The following FAAH2 variants were observed in gnomAD, a reference collection of about 807,000 sequenced individuals.
FAAH2 encodes fatty acid amide hydrolase 2.
In FAAH2, 60 loss-of-function variants were observed where a neutral mutation model predicts 36.9. The ratio of observed to expected loss-of-function variants is 1.63; its 90% CI spans 1.32 to 2.02. FAAH2 has a LOEUF of 2.02. Ranked by LOEUF, FAAH2 falls within the 30% of genes most tolerant of loss-of-function variation. The pLI is 0.00. For synonymous variants in FAAH2, 214 were observed against 143.8 expected (o/e 1.49, Z -3.49); for missense variants, 689 against 397.5 (o/e 1.73, Z -6.23).
At chrX:57,484,943 A>G (rs1028751383) in intron 10 of FAAH2, among the ~76,000 whole-genome samples, 5 of 111,431 alleles carry the variant, frequency 4.5e-5, no homozygotes, top group African/African-American at 6.5e-5. Flanking sequence ...TCCCTGGGTC[A>G]CTGGCTGAAC....
chrX:57,446,410 A>G (rs1284400164), intron 8 of FAAH2, among the ~76,000 whole-genome samples: 1 of 112,192 alleles, frequency 8.9e-6, no homozygotes, highest in Non-Finnish European at 1.9e-5. Flanking sequence ...ACACTTCCCT[A>G]TAACAGGTTT....
chrX:57,376,930 A>G (rs1370372357), intron 5 of FAAH2, among the ~76,000 whole-genome samples: 1 of 111,421 alleles, frequency 9.0e-6, no homozygotes, highest in Non-Finnish European at 1.9e-5. Context: ...TTTTTTGCAT[A>G]TGTTTGTTGG....
At chrX:57,453,444 T>C (rs917881049) in intron 10 of FAAH2, among the ~76,000 whole-genome samples, 1 of 111,646 alleles carries the variant, frequency 9.0e-6, no homozygotes, top group Non-Finnish European at 1.9e-5. Context: ...ACTCTGCCAG[T>C]GGACACAGCC....
the FAAH2 span, among the ~76,000 whole-genome samples, chrX:57,156,423 T>C: frequency 8.9e-6 from 1 of 112,066 alleles, no homozygotes; most frequent in East Asian, 2.8e-4. Context: ...GTCTCCTGGA[T>C]GTTCTTAATG....
intron 5 of FAAH2, among the ~76,000 whole-genome samples, chrX:57,356,202 T>C (rs1397941841): frequency 3.6e-5 from 4 of 111,418 alleles, no homozygotes; most frequent in Admixed American, 9.6e-5. Flanking sequence ...CATCCATGTT[T>C]ATCAGGGATA....
chrX:57,360,008 C>T (rs1366013794), intron 5 of FAAH2, among the ~76,000 whole-genome samples: 7 of 107,612 alleles, frequency 6.5e-5, no homozygotes, highest in Non-Finnish European at 1.2e-4. Flanking sequence ...TATATCATTC[C>T]AGTCCTTTCT....
chrX:57,168,462 G>A, the FAAH2 span, among the ~76,000 whole-genome samples: 1 of 111,347 alleles, frequency 9.0e-6, no homozygotes, highest in East Asian at 2.8e-4. Context: ...AGCTAAATAT[G>A]ACTTTATATT....
At chrX:57,134,532 C>T in the FAAH2 span, 7 of 111,429 alleles carry the variant, frequency 6.3e-5, no homozygotes, top group East Asian at 2.8e-4. Flanking sequence ...CCCATACCCT[C>T]GAGAGAAACA....
chrX:57,459,577 G>A (rs1221218352), intron 10 of FAAH2, among the ~76,000 whole-genome samples: 3 of 112,114 alleles, frequency 2.7e-5, no homozygotes, highest in Non-Finnish European at 5.6e-5. Flanking sequence ...GGGTTTGACA[G>A]ACACCTCATA....
the FAAH2 span, among the ~76,000 whole-genome samples, chrX:57,189,564 G>T: frequency 9.1e-6 from 1 of 110,013 alleles, no homozygotes; most frequent in Non-Finnish European, 1.9e-5. Flanking sequence ...TTTAAATGGG[G>T]TTTCTGTGTG....
intron 10 of FAAH2, among the ~76,000 whole-genome samples, chrX:57,451,675 G>A (rs914144850): frequency 1.8e-5 from 2 of 111,502 alleles, no homozygotes; most frequent in Non-Finnish European, 3.8e-5. Context: ...TGGACAGAGG[G>A]TATAAACACT....
chrX:57,349,183 A>ACATATATATATACG (rs2053920855), intron 5 of FAAH2, among the ~76,000 whole-genome samples: 4 of 88,743 alleles, frequency 4.5e-5, no homozygotes, highest in East Asian at 3.4e-4. Flanking sequence ...ATATGTATAC[A>ACATATATATATACG]TATATGTATA....
chrX:57,306,730 GTATA>G lies in FAAH2; in HGVS notation c.276-3856_276-3853del, dbSNP rs1248670072. Among the ~76,000 whole-genome samples, 125 of 28,645 alleles carry G rather than the reference GTATA, an allele frequency of 4.4e-3. 2 individuals carry two copies. In the East Asian group the frequency reaches 0.065, roughly 15 times the overall value. 24.9% of individuals were successfully genotyped at this position (28,645 alleles called of 115,157 possible). ...TGTGTGTGTGTGTGTGTGTGTGTGTGTATATATATACACACACACTATATGTATA... is the reference window on the plus strand; with the variant it reads ...TGTGTGTGTGTGTGTGTGTGTGTGTGTATATACACACACACTATATGTATA... On this transcript the variant is annotated intron_variant, in intron 2 of 10. Coordinates refer to ENST00000374900, the MANE Select transcript of FAAH2 (RefSeq NM_174912.4).
intron 10 of FAAH2, among the ~76,000 whole-genome samples, chrX:57,454,575 G>C (rs1286256349): frequency 9.0e-6 from 1 of 111,690 alleles, no homozygotes; most frequent in Non-Finnish European, 1.9e-5. Flanking sequence ...CAATTCAGTA[G>C]CTGAAAGATA....
At chrX:57,172,099 C>A in the FAAH2 span, among the ~76,000 whole-genome samples, 1 of 111,286 alleles carries the variant, frequency 9.0e-6, no homozygotes, top group Non-Finnish European at 1.9e-5. Flanking sequence ...TATTCTATTT[C>A]ATTGGTCTAT....
chrX:57,397,860 C>G (rs2055341889), intron 7 of FAAH2, among the ~76,000 whole-genome samples: 1 of 108,441 alleles, frequency 9.2e-6, no homozygotes, highest in Non-Finnish European at 1.9e-5. Flanking sequence ...CCCTTCCCCC[C>G]ACCCCACAAC....
chrX:57,329,949 A>G (rs1265079180), intron 3 of FAAH2, among the ~76,000 whole-genome samples: 1 of 112,019 alleles, frequency 8.9e-6, no homozygotes, highest in Non-Finnish European at 1.9e-5. Flanking sequence ...ATGATTTCCT[A>G]TGCCTGTCTT....
chrX:57,151,984 C>T, the FAAH2 span, among the ~76,000 whole-genome samples: 1 of 111,911 alleles, frequency 8.9e-6, no homozygotes, highest in East Asian at 2.8e-4. Context: ...ACAGACAGGA[C>T]CCTGAGGCCT....
intron 6 of FAAH2, among the ~76,000 whole-genome samples, chrX:57,379,433 T>C (rs1444662747): frequency 9.0e-6 from 1 of 110,518 alleles, no homozygotes; most frequent in Non-Finnish European, 1.9e-5. Context: ...TAGTTTCAGT[T>C]ATGCTCTTGA....
Sources: gnomAD v4.1 joint callset for allele counts (sites outside exome capture counted in the v4.1 genomes callset) on GRCh38, gnomAD v4.1.1 for gene constraint, MANE v1.5 for transcripts, NCBI Gene and HGNC (gene_info 2026-07-23, HGNC 2026-07-21) for gene names.